ADAMTS9: variants seen among roughly 807,000 people sequenced by gnomAD.
The protein encoded by ADAMTS9 is ADAM metallopeptidase with thrombospondin type 1 motif 9.
In ADAMTS9, 107 loss-of-function variants were observed where a neutral mutation model predicts 257.1. That is an observed-to-expected ratio of 0.42 (90% CI 0.36 to 0.49). The LOEUF (loss-of-function observed/expected upper bound fraction) is 0.49, where lower values mean the gene tolerates loss of function less well. ADAMTS9 is among the 20% of genes least tolerant of loss of function. The pLI, the probability that ADAMTS9 is intolerant of heterozygous loss-of-function variation, is 0.03. For synonymous variants in ADAMTS9, 982 were observed against 880.9 expected, an observed-to-expected ratio of 1.11 and a Z score of -2.03; for missense variants, 2,353 against 2,469.1, an observed-to-expected ratio of 0.95 and a Z score of 1.00.
intron 16 of ADAMTS9, among the ~76,000 whole-genome samples, chr3:64,624,057 A>G (rs1371841055): frequency 6.9e-6 from 1 of 145,774 alleles, no homozygotes; most frequent in Non-Finnish European, 1.5e-5. Flanking sequence ...GGTAAATGCC[A>G]GGGGCAGGAG....
rs1701959111 is a variant in ADAMTS9, at chr3:64,687,748, A to G, written c.-91T>C. ...GCGACGCGAGGCAGCGGCCGTGGAGAGCGCGCGGAGCCCGGCGCCCGCCGC... is the reference window on the plus strand; with the variant it reads ...GCGACGCGAGGCAGCGGCCGTGGAGGGCGCGCGGAGCCCGGCGCCCGCCGC... On this transcript the variant is annotated 5_prime_UTR_variant, in exon 1 of 40. Transcript: ENST00000498707. The surrounding 1 kb of genome is among the most constrained non-coding windows in gnomAD (Gnocchi z 4.4). The G allele has an allele frequency of 1.9e-6, 2 of 1,030,306 alleles. No homozygotes were observed. The highest frequency in any genetic ancestry group is 2.7e-6 in the Non-Finnish European group (2 of 751,112). The allele number at this position is 1,030,306 out of a possible 1,614,324, so 63.8% of individuals were successfully genotyped here.
At position 64,596,902 on chromosome 3, in the gene ADAMTS9, T is replaced by C. The variant is rs776066579; in HGVS notation, c.4107A>G (p.Arg1369=). ...NGYTANDCVE[R]IKPDEQRACE... is the part of the protein sequence containing the mutation. ...AGGCTCTTTGCTCATCAGGTTTTAT[T>C]CTCTCCACACAGTCGTTTGCGGTGT... Residue 1369 remains arginine, a synonymous_variant, in exon 27 of 40, where the codon AGA becomes AGG. Transcript: ENST00000498707. 3 of 1,614,032 alleles carry C rather than the reference T, an allele frequency of 1.9e-6. No individual in the cohort carries two copies. In the South Asian group the frequency reaches 3.3e-5, roughly 18 times the overall value.
chr3:64,604,015 G>A lies in ADAMTS9; in HGVS notation c.3654C>T (p.Asp1218=). The A allele has an allele frequency of 1.2e-6, 2 of 1,614,000 alleles. No individual in the cohort carries two copies. Among genetic ancestry groups the A allele is most frequent in the South Asian group, 1.1e-5 (1 of 91,080 alleles). The part of the protein sequence containing the change: ...SCRDENGSVA[D]ESACATLPRP... ...TAGGCAGGGTAGCACAGGCACTCTC[G>A]TCAGCCACAGAGCCATTCTCATCTC... The change falls in exon 25 of 40, where the codon GAC becomes GAT. Residue 1218 remains aspartate (D), a synonymous_variant. Coordinates refer to ENST00000498707, the MANE Select transcript of ADAMTS9 (RefSeq NM_182920.2).
intron 37 of ADAMTS9, among the ~76,000 whole-genome samples, chr3:64,533,555 G>A (rs191352763): frequency 6.6e-6 from 1 of 152,346 alleles, no homozygotes; most frequent in Non-Finnish European, 1.5e-5. Context: ...TACGGTAGGA[G>A]TCCAACTCAC....
intron 3 of ADAMTS9, among the ~76,000 whole-genome samples, chr3:64,673,518 C>T (rs1193355020): frequency 1.3e-5 from 2 of 152,126 alleles, no homozygotes; most frequent in African/African-American, 4.8e-5. Flanking sequence ...GCGATGACGA[C>T]AACAAAGTGA....
chr3:64,562,886 T>A (rs2106654295), intron 29 of ADAMTS9: 1 of 152,352 alleles, frequency 6.6e-6, no homozygotes, highest in African/African-American at 2.4e-5. Context: ...AATGGTAATT[T>A]TCTCTCCATT....
chr3:64,633,276 G>A (rs1392174901), intron 14 of ADAMTS9, among the ~76,000 whole-genome samples, 196 bp downstream of exon 14: 11 of 152,026 alleles, frequency 7.2e-5, no homozygotes, highest in Non-Finnish European at 1.5e-4. Flanking sequence ...CCAGGGCAAC[G>A]GCTCCCAAAC....
chr3:64,542,006 G>C, intron 32 of ADAMTS9, 36 bp from the exon 33 acceptor site: 2 of 1,612,926 alleles, frequency 1.2e-6, no homozygotes, highest in Admixed American at 1.7e-5. Flanking sequence ...TGTGGCTATG[G>C]AATGTGGGAG....
chr3:64,562,843 C>T (rs949746913), intron 29 of ADAMTS9: 2 of 152,190 alleles, frequency 1.3e-5, no homozygotes, highest in African/African-American at 2.4e-5. Flanking sequence ...TGGAAATTTA[C>T]TATCAAGAAT....
chr3:64,617,818 T>C (rs1700001552), intron 19 of ADAMTS9, among the ~76,000 whole-genome samples: 1 of 152,186 alleles, frequency 6.6e-6, no homozygotes, highest in Admixed American at 6.5e-5. Flanking sequence ...GACATACTGG[T>C]GTGCCATGAA....
chr3:64,581,773 C>T (rs2106745795), intron 28 of ADAMTS9, among the ~76,000 whole-genome samples: 1 of 152,288 alleles, frequency 6.6e-6, no homozygotes, highest in Non-Finnish European at 1.5e-5. Flanking sequence ...ACATTGGGCA[C>T]CAGTGCATAA....
chr3:64,675,504 G>A (rs1374714567), intron 3 of ADAMTS9, among the ~76,000 whole-genome samples: 1 of 151,964 alleles, frequency 6.6e-6, no homozygotes, highest in Non-Finnish European at 1.5e-5. Context: ...CTTTAGTTTT[G>A]GCTACTTGGG....
rs561910250 is a variant in ADAMTS9 at position 64,673,714 on chromosome 3, G to A, written c.679+7487C>T. Among the ~76,000 whole-genome samples, 115 of 151,982 alleles carry A rather than the reference G, an allele frequency of 7.6e-4. 1 individual carries two copies. Among genetic ancestry groups the A allele is most frequent in the African/African-American group, 2.5e-3 (104 of 41,470 alleles). On this transcript the variant is annotated intron_variant, in intron 3 of 39. Transcript: ENST00000498707. Reference sequence around the variant, plus strand: ...TATTTATAATATTACTTAATATTACGTATCAAATATTAATAATATTATAGT... The same window carrying A: ...TATTTATAATATTACTTAATATTACATATCAAATATTAATAATATTATAGT...
chr3:64,636,380 C>G (rs1240660944), intron 12 of ADAMTS9, among the ~76,000 whole-genome samples: 1 of 152,170 alleles, frequency 6.6e-6, no homozygotes, highest in Non-Finnish European at 1.5e-5. Context: ...AGCTATGCCT[C>G]TTAATAATGA....
At chr3:64,545,579 T>C (rs1388275739) in intron 32 of ADAMTS9, among the ~76,000 whole-genome samples, 1 of 151,600 alleles carries the variant, frequency 6.6e-6, no homozygotes, top group East Asian at 1.9e-4. Flanking sequence ...GGACACAGGG[T>C]GGGGAACATC....
At chr3:64,642,735 T>G (rs902267373) in intron 11 of ADAMTS9, among the ~76,000 whole-genome samples, 6 of 151,960 alleles carry the variant, frequency 3.9e-5, no homozygotes, top group African/African-American at 1.5e-4. Context: ...CACTGAGCAG[T>G]GGACAAAGGA....
Position 64,631,788 on chromosome 3 carries a change from T to G in ADAMTS9, c.2293+20A>C. 6.3e-7 allele frequency: 1 copy of G among 1,584,442 alleles called. No individual in the cohort carries two copies. Among genetic ancestry groups the G allele is most frequent in the Non-Finnish European group, 8.7e-7 (1 of 1,154,852 alleles). On this transcript the variant is annotated intron_variant, in intron 15 of 39. Transcript: ENST00000498707. The stretch of plus-strand genomic sequence containing the variant: ...CTTTGACCATATTCCTTCTCATGGT[T>G]CTTAGGAGCAGATTCTTACCATAAT...
chr3:64,527,025 A>C (rs2082918882), intron 38 of ADAMTS9, among the ~76,000 whole-genome samples: 1 of 152,218 alleles, frequency 6.6e-6, no homozygotes, highest in South Asian at 2.1e-4. Context: ...GGATTCCATT[A>C]TTTAATTTAG....
chr3:64,541,186 G>T lies in ADAMTS9; in HGVS notation c.5430C>A (p.Arg1810=), dbSNP rs140385164. ...AATCCTTCCGACATTGGCAGTCATC[G>T]CGCCGGCTCCCGTTATAGGGACATT... The part of the protein sequence containing the change: ...PTECPYNGSR[R]DDCQCRKDYT... The change falls in exon 36 of 40, where the codon CGC becomes CGA. Residue 1810 remains arginine (R), a synonymous_variant. Transcript: ENST00000498707. The T allele has an allele frequency of 5.6e-4, 903 of 1,614,132 alleles. 1 individual carries two copies. Among genetic ancestry groups the T allele is most frequent in the Middle Eastern group, 1.2e-3 (7 of 6,060 alleles).
Sources: allele counts gnomAD v4.1 joint callset (sites outside exome capture counted in the v4.1 genomes callset), GRCh38; gene constraint gnomAD v4.1.1; non-coding constraint Gnocchi (gnomAD v3.1); transcripts MANE v1.5; gene names NCBI Gene and HGNC (gene_info 2026-07-23, HGNC 2026-07-21).